BRD4: variants seen among roughly 807,000 people sequenced by gnomAD.
BRD4 encodes the protein bromodomain-containing protein 4.
In BRD4, 16 loss-of-function variants were observed where a neutral mutation model predicts 142.1. The observed-to-expected ratio is 0.11, with a 90% CI of 0.08 to 0.17. The LOEUF (loss-of-function observed/expected upper bound fraction) is 0.17, where lower values mean the gene tolerates loss of function less well. Ranked by LOEUF, BRD4 falls within the 10% of genes least tolerant of loss-of-function variation. BRD4 has a pLI of 1.00. For synonymous variants in BRD4, 833 were observed against 707.5 expected (o/e 1.18, Z -2.82); for missense variants, 1,424 against 1,810.9 (o/e 0.79, Z 3.88).
intron 7 of BRD4, among the ~76,000 whole-genome samples, chr19:15,258,061 G>C (rs138761363): frequency 1.3e-5 from 2 of 152,330 alleles, no homozygotes; most frequent in Non-Finnish European, 2.9e-5. Flanking sequence ...AGAGGCAGAA[G>C]CACAGGCCTG....
chr19:15,276,130 G>C (rs1037833143), intron 1 of BRD4, among the ~76,000 whole-genome samples: 1 of 152,228 alleles, frequency 6.6e-6, no homozygotes, highest in Non-Finnish European at 1.5e-5. Flanking sequence ...CTGACCTACT[G>C]CTATGCCCAC....
chr19:15,295,272 T>C (rs1296741909), intron 1 of BRD4, among the ~76,000 whole-genome samples: 4 of 152,168 alleles, frequency 2.6e-5, no homozygotes, highest in South Asian at 2.1e-4. Flanking sequence ...GGTTCCCGCA[T>C]CTCTCTCACG....
At chr19:15,308,484 G>A (rs1245819462) in intron 1 of BRD4, among the ~76,000 whole-genome samples, 1 of 151,398 alleles carries the variant, frequency 6.6e-6, no homozygotes, top group Admixed American at 6.6e-5. Context: ...CTACTCAGGA[G>A]GCTGAGGCAG....
intron 1 of BRD4, among the ~76,000 whole-genome samples, chr19:15,281,166 C>A (rs932979741): frequency 6.6e-6 from 1 of 152,258 alleles, no homozygotes; most frequent in Non-Finnish European, 1.5e-5. Context: ...TGGCCGTGCG[C>A]CGAGGCAGCT....
intron 1 of BRD4, among the ~76,000 whole-genome samples, chr19:15,323,522 T>C (rs1281198219): frequency 1.3e-5 from 2 of 152,226 alleles, no homozygotes; most frequent in African/African-American, 4.8e-5. Context: ...TTTCTCACCC[T>C]CTTCCCTTTT....
At position 15,238,201 on chromosome 19, in the gene BRD4, G is replaced by T; in HGVS notation, c.*176C>A. The stretch of plus-strand genomic sequence containing the variant: ...GGACGTCTGTCCGACTGGCCGTAAG[G>T]CAGACAGGCTCTGCAATCCTCAGCT... On this transcript the variant is annotated 3_prime_UTR_variant, in exon 20 of 20. Coordinates refer to ENST00000679869, the MANE Select transcript of BRD4 (RefSeq NM_001379291.1). The surrounding 1 kb of genome is among the most constrained non-coding windows in gnomAD (Gnocchi z 7.2). 1.9e-6 allele frequency: 2 copies of T among 1,033,904 alleles called. No homozygotes were observed. The highest frequency in any genetic ancestry group is 2.8e-6 in the Non-Finnish European group (2 of 722,880). The allele number at this position is 1,033,904 out of a possible 1,614,324, so 64.0% of individuals were successfully genotyped here.
chr19:15,276,974 G>A (rs972945629), intron 1 of BRD4, among the ~76,000 whole-genome samples: 1 of 152,198 alleles, frequency 6.6e-6, no homozygotes, highest in African/African-American at 2.4e-5. Flanking sequence ...GGCGGGGGAA[G>A]AGTGTGTGCG....
At chr19:15,248,735 G>A (rs986068466) in intron 11 of BRD4, 10 of 229,020 alleles carry the variant, frequency 4.4e-5, no homozygotes, top group African/African-American at 1.8e-4. Context: ...AGGGTCTAGA[G>A]GCCTTGCCTC....
intron 4 of BRD4, among the ~76,000 whole-genome samples, chr19:15,266,962 G>C (rs1156573750): frequency 6.6e-6 from 1 of 152,212 alleles, no homozygotes; most frequent in Non-Finnish European, 1.5e-5. Flanking sequence ...TCAGATGACT[G>C]AGCATCAGAA....
intron 7 of BRD4, among the ~76,000 whole-genome samples, chr19:15,262,077 T>G (rs968289040): frequency 6.6e-6 from 1 of 151,994 alleles, no homozygotes; most frequent in Non-Finnish European, 1.5e-5. Flanking sequence ...CCACAGAGAA[T>G]AGGAGAGACA....
At position 15,317,390 on chromosome 19, in the gene BRD4, G is replaced by C. The variant is rs191482592; in HGVS notation, c.-35+14900C>G. 6.6e-5 allele frequency among the ~76,000 whole-genome samples: 10 copies of C among 152,334 alleles called. No individual in the cohort carries two copies. In the East Asian group the frequency reaches 1.9e-3, roughly 29 times the overall value. ...TCCCTACAGCATCATGGTTGACACA[G>C]AAACTGGACTGATGGATGTCTGGCT... is the stretch of plus-strand genomic sequence containing the variant. On this transcript the variant is annotated intron_variant, in intron 1 of 19. Transcript: ENST00000679869.
intron 1 of BRD4, among the ~76,000 whole-genome samples, chr19:15,329,823 A>G (rs760610093): frequency 7.2e-5 from 11 of 152,254 alleles, no homozygotes; most frequent in Non-Finnish European, 1.3e-4. Flanking sequence ...TTGTGAAACA[A>G]GAAAATATTG....
intron 1 of BRD4, among the ~76,000 whole-genome samples, chr19:15,300,072 C>T (rs900634762): frequency 7.2e-5 from 11 of 151,922 alleles, no homozygotes; most frequent in Non-Finnish European, 2.9e-5. Flanking sequence ...AGTGAAACTC[C>T]ACCTCTACTA....
At chr19:15,271,327 C>T (rs1404889057) in intron 2 of BRD4, among the ~76,000 whole-genome samples, 1 of 152,330 alleles carries the variant, frequency 6.6e-6, no homozygotes, top group Admixed American at 6.5e-5. Flanking sequence ...CTCACCTTCT[C>T]ATTCACACCG....
chr19:15,264,444 C>T lies in BRD4; in HGVS notation c.1172G>A (p.Cys391Tyr), dbSNP rs201073172. 1.2e-6 allele frequency: 2 copies of T among 1,613,346 alleles called. No homozygotes were observed. Among genetic ancestry groups the T allele is most frequent in the Non-Finnish European group, 1.7e-6 (2 of 1,179,540 alleles). ...DVEALGLHDY[C>Y]DIIKHPMDMS... ...GTCCATGGGGTGCTTGATGATGTCA[C>T]AGTAGTCGTGTAGGCCCAGTGCCTC... The change falls in exon 6 of 20, where the codon TGT (cysteine) becomes TAT (tyrosine). Residue 391 changes from cysteine (C) to tyrosine (Y), a missense_variant. Physicochemically the swap from Cys to Tyr is radical, Grantham distance 194. Coordinates refer to ENST00000679869, the MANE Select transcript of BRD4 (RefSeq NM_001379291.1).
intron 1 of BRD4, among the ~76,000 whole-genome samples, chr19:15,321,142 G>C (rs1599528407): frequency 6.6e-6 from 1 of 152,238 alleles, no homozygotes; most frequent in Non-Finnish European, 1.5e-5. Context: ...GCTGAGGCAG[G>C]AGAATTGCTT....
At chr19:15,253,352 G>A (rs2047368191) in intron 11 of BRD4, 5 of 596,218 alleles carry the variant, frequency 8.4e-6, no homozygotes, top group East Asian at 5.6e-5. Flanking sequence ...ACACTTGGAG[G>A]AGAGCAGTCC....
chr19:15,286,546 T>C (rs934315823), intron 1 of BRD4, among the ~76,000 whole-genome samples: 4 of 152,234 alleles, frequency 2.6e-5, no homozygotes, highest in Non-Finnish European at 4.4e-5. Context: ...AAAGCAGGTA[T>C]GCTTACCCAA....
At chr19:15,295,598 A>G (rs1356396573) in intron 1 of BRD4, among the ~76,000 whole-genome samples, 2 of 152,224 alleles carry the variant, frequency 1.3e-5, no homozygotes, top group Non-Finnish European at 2.9e-5. Context: ...TTTTTCAATC[A>G]TACTTCAAGT....
Sources: gnomAD v4.1 joint callset for allele counts (sites outside exome capture counted in the v4.1 genomes callset) on GRCh38, gnomAD v4.1.1 for gene constraint, Gnocchi (gnomAD v3.1) non-coding constraint, MANE v1.5 for transcripts, NCBI Gene and HGNC (gene_info 2026-07-23, HGNC 2026-07-21) for gene names.